NPM1: variants seen among roughly 807,000 people sequenced by gnomAD.
The protein encoded by NPM1 is nucleophosmin.
NPM1 carries 1 observed loss-of-function variant against 44.1 expected under a neutral mutation model. That is an observed-to-expected ratio of 0.02 (90% CI 0.01 to 0.11). NPM1 has a LOEUF of 0.11. NPM1 is among the 10% of genes least tolerant of loss of function. The probability of loss-of-function intolerance (pLI) is 1.00; values close to 1 mark genes in which losing one functional copy is unlikely to be tolerated. For synonymous variants in NPM1, 126 were observed against 111.8 expected, an observed-to-expected ratio of 1.13 and a Z score of -0.80; for missense variants, 197 against 347.8, an observed-to-expected ratio of 0.57 and a Z score of 3.45.
At chr5:171,405,440 C>A (rs1581257948) in intron 9 of NPM1, 37 bp downstream of exon 9, 2 of 902,672 alleles carry the variant, frequency 2.2e-6, no homozygotes, top group Non-Finnish European at 3.6e-6. Context: ...TTGTCTCCCC[C>A]CTCAAATTGC....
chr5:171,396,411 A>C (rs1261409999), intron 6 of NPM1, among the ~76,000 whole-genome samples: 2 of 152,240 alleles, frequency 1.3e-5, no homozygotes, highest in Admixed American at 1.3e-4. Context: ...AGGCACCTGC[A>C]GGGATTGGGT....
intron 6 of NPM1, among the ~76,000 whole-genome samples, chr5:171,399,259 GTTT>G (rs1198077142): frequency 6.6e-6 from 1 of 150,936 alleles, no homozygotes; most frequent in South Asian, 2.1e-4. Flanking sequence ...TGTCTTTTTT[GTTT>G]TTGTTTTTTG....
At chr5:171,406,804 T>C (rs1771598232) in intron 9 of NPM1, 2 of 746,868 alleles carry the variant, frequency 2.7e-6, no homozygotes, top group South Asian at 1.2e-4. Context: ...GGCAGTTAAG[T>C]TTCTTAATGC....
intron 8 of NPM1, among the ~76,000 whole-genome samples, chr5:171,404,798 A>G (rs566278147): frequency 2.0e-5 from 3 of 151,350 alleles, no homozygotes; most frequent in African/African-American, 4.8e-5. Context: ...TGGGAGGTGT[A>G]GGTTGTAGTG....
chr5:171,404,536 T>G, intron 8 of NPM1, among the ~76,000 whole-genome samples: 1 of 55,568 alleles, frequency 1.8e-5, no homozygotes, highest in Non-Finnish European at 3.4e-5. Flanking sequence ...TCTCAGACGA[T>G]GGGCGGCCGG....
At chr5:171,391,655 T>A (rs768178660) in intron 3 of NPM1, 51 bp from the exon 4 acceptor site, 2 of 1,307,714 alleles carry the variant, frequency 1.5e-6, no homozygotes, top group South Asian at 2.4e-5. Flanking sequence ...CTGTAATGTT[T>A]ATTGTTCATT....
At position 171,408,918 on chromosome 5, in the gene NPM1, T is replaced by TTATAACAAAGGCTTGTAGCTACAAAGTC. The variant is rs1329866021; in HGVS notation, c.846+1146_846+1173dup. Among the ~76,000 whole-genome samples the TTATAACAAAGGCTTGTAGCTACAAAGTC allele has an allele frequency of 4.5e-4, 69 of 152,328 alleles. 1 individual carries two copies. The East Asian group carries it at 5.8e-3, about 13-fold the overall frequency. On this transcript the variant is annotated intron_variant, in intron 10 of 10. Transcript: ENST00000296930. ...TTAAGTTGCAGTAGTCTTCTGTACT[T>TTATAACAAAGGCTTGTAGCTACAAAGTC]TATAACAAAGGCTTGTAGCTACAAA...
intron 9 of NPM1, 198 bp from the exon 10 acceptor site, chr5:171,407,502 G>C (rs1347962856): frequency 1.7e-6 from 1 of 573,268 alleles, no homozygotes; most frequent in Non-Finnish European, 3.0e-6. Flanking sequence ...TGGCAAATCT[G>C]TTTGAATAGA....
intron 8 of NPM1, among the ~76,000 whole-genome samples, chr5:171,403,996 C>T (rs1274667596): frequency 2.1e-4 from 15 of 72,308 alleles, no homozygotes; most frequent in Admixed American, 6.3e-4. Flanking sequence ...GGTGGCTGGC[C>T]GGGCTGAGGG....
Position 171,387,857 on chromosome 5 carries a change from G to A in NPM1, c.-92G>A, listed in dbSNP as rs1581233973. ...CGCGGGGAGCCTGCGTCCTTTCCCT[G>A]GTGTGATTCCGTCCTGCGCGGTTGT... On this transcript the variant is annotated 5_prime_UTR_variant, in exon 1 of 11. Coordinates refer to ENST00000296930, the MANE Select transcript of NPM1 (RefSeq NM_002520.7). 5.0e-6 allele frequency: 6 copies of A among 1,198,164 alleles called. No individual in the cohort carries two copies. The highest frequency in any genetic ancestry group is 1.8e-5 in the Admixed American group (1 of 55,622). The allele number at this position is 1,198,164 out of a possible 1,614,324, so 74.2% of individuals were successfully genotyped here.
intron 1 of NPM1, among the ~76,000 whole-genome samples, chr5:171,389,486 A>G (rs1581236521): frequency 1.3e-5 from 2 of 152,364 alleles, no homozygotes; most frequent in South Asian, 4.1e-4. Flanking sequence ...TTTGATAACT[A>G]TCGGAAAGAA....
At chr5:171,403,839 C>T (rs1249123963) in intron 8 of NPM1, among the ~76,000 whole-genome samples, 104 of 63,044 alleles carry the variant, frequency 1.6e-3, no homozygotes, top group African/African-American at 3.0e-3. Context: ...ACCTCCCAGA[C>T]GGGGCGGCTG....
intron 6 of NPM1, among the ~76,000 whole-genome samples, chr5:171,396,675 C>T (rs1231657155): frequency 2.6e-5 from 4 of 152,160 alleles, no homozygotes; most frequent in East Asian, 1.9e-4. Context: ...TCCAGTGACT[C>T]GATTTGATTA....
chr5:171,401,452 A>T (rs529852193), intron 8 of NPM1, among the ~76,000 whole-genome samples: 4 of 152,124 alleles, frequency 2.6e-5, no homozygotes, highest in African/African-American at 9.6e-5. Flanking sequence ...GACTTTTTTG[A>T]AAGAGATGGA....
chr5:171,403,954 TG>T lies in NPM1; in HGVS notation c.670-1341del, dbSNP rs1166756769. Among the ~76,000 whole-genome samples, 3 of 47,776 alleles carry T rather than the reference TG, an allele frequency of 6.3e-5. 1 individual carries two copies. Among genetic ancestry groups the T allele is most frequent in the South Asian group, 1.1e-3 (1 of 904 alleles). The allele number at this position is 47,776 out of a possible 152,430, so 31.3% of individuals were successfully genotyped here. A position where few individuals can be genotyped will look rare whatever the true frequency, so the allele number is the denominator to read the frequency against. ...CTCCCGGACGGGGCGGCTGGCCGGG[TG>T]GGGGGGCTGACCCCCCCATCTCCCG... On this transcript the variant is annotated intron_variant, in intron 8 of 10. Transcript: ENST00000296930.
intron 6 of NPM1, among the ~76,000 whole-genome samples, chr5:171,398,385 C>A (rs1490073493): frequency 6.6e-6 from 1 of 152,048 alleles, no homozygotes. Flanking sequence ...ATGGAGGGGT[C>A]TAAATATAGA....
chr5:171,403,965 A>AC lies in NPM1; in HGVS notation c.670-1330dup, dbSNP rs1217646703. Among the ~76,000 whole-genome samples, 21 of 42,546 alleles carry AC rather than the reference A, an allele frequency of 4.9e-4. 1 individual carries two copies. Among genetic ancestry groups the AC allele is most frequent in the Admixed American group, 1.7e-3 (7 of 4,136 alleles). The allele number at this position is 42,546 out of a possible 152,430, so 27.9% of individuals were successfully genotyped here. A position where few individuals can be genotyped will look rare whatever the true frequency, so the allele number is the denominator to read the frequency against. On this transcript the variant is annotated intron_variant, in intron 8 of 10. Coordinates refer to ENST00000296930, the MANE Select transcript of NPM1 (RefSeq NM_002520.7). The stretch of plus-strand genomic sequence containing the variant: ...GGCGGCTGGCCGGGTGGGGGGGCTG[A>AC]CCCCCCCATCTCCCGGACGGGGTGG...
In NPM1 at chr5:171,398,687, G is replaced by A. The variant is rs56268123; in HGVS notation, c.525-1466G>A. Among the ~76,000 whole-genome samples, 4 of 151,996 alleles carry A rather than the reference G, an allele frequency of 2.6e-5. No homozygotes were observed. In the East Asian group the frequency reaches 5.8e-4, roughly 22 times the overall value. ...TCAGGAGGCTGAGGCTGGAGAATTC[G>A]CTTGAACCTGGGAGGCAGAGGTTGC... On this transcript the variant is annotated intron_variant, in intron 6 of 10. Coordinates refer to ENST00000296930, the MANE Select transcript of NPM1 (RefSeq NM_002520.7).
intron 2 of NPM1, 145 bp downstream of exon 2, chr5:171,390,275 G>A (rs377281266): frequency 1.8e-5 from 9 of 507,252 alleles, no homozygotes; most frequent in African/African-American, 8.1e-5. Flanking sequence ...GTACCTCACT[G>A]TCTGTACATC....
Sources: gnomAD v4.1 joint callset for allele counts (sites outside exome capture counted in the v4.1 genomes callset) on GRCh38, gnomAD v4.1.1 for gene constraint, MANE v1.5 for transcripts, NCBI Gene and HGNC (gene_info 2026-07-23, HGNC 2026-07-21) for gene names.